Variants in LRRC69 observed in about 807,000 individuals in gnomAD.
LRRC69 encodes leucine-rich repeat-containing protein 69.
LRRC69 carries 42 observed loss-of-function variants against 37.8 expected under a neutral mutation model. The ratio of observed to expected loss-of-function variants is 1.11; its 90% CI spans 0.87 to 1.44. The LOEUF is 1.44. Ranked by LOEUF, LRRC69 falls within the 40% of genes most tolerant of loss-of-function variation. The pLI is 0.00. For missense variants in LRRC69, 357 were observed against 401.9 expected, an observed-to-expected ratio of 0.89 and a Z score of 0.96; for synonymous variants, 141 against 143.1, an observed-to-expected ratio of 0.99 and a Z score of 0.11.
chr8:91,122,126 C>T (rs1426174847), intron 1 of LRRC69, among the ~76,000 whole-genome samples: 1 of 151,950 alleles, frequency 6.6e-6, no homozygotes, highest in East Asian at 1.9e-4. Context: ...ACAGTATATG[C>T]CCTCAGAAAT....
chr8:91,167,845 G>C (rs879316274), intron 5 of LRRC69, among the ~76,000 whole-genome samples: 15 of 151,932 alleles, frequency 9.9e-5, no homozygotes, highest in Non-Finnish European at 2.1e-4. Context: ...AATTTTAAGA[G>C]ACGATGTTCC....
chr8:91,105,008 A>C (rs929129890), intron 1 of LRRC69, among the ~76,000 whole-genome samples: 1 of 151,988 alleles, frequency 6.6e-6, no homozygotes, highest in Non-Finnish European at 1.5e-5. Context: ...GGGGTAACCT[A>C]CGTGTTGACT....
At chr8:91,196,738 A>T (rs1809609021) in intron 6 of LRRC69, among the ~76,000 whole-genome samples, 2 of 149,336 alleles carry the variant, frequency 1.3e-5, no homozygotes, top group African/African-American at 4.9e-5. Flanking sequence ...TTCTAGTTAT[A>T]CATTCTTCTA....
rs377280341 is a variant in LRRC69, at chr8:91,133,094, G to GT, written c.384-3dup. 0.21 allele frequency: 228,417 copies of GT among 1,088,160 alleles called. 2,046 individuals carry two copies. Among genetic ancestry groups the GT allele is most frequent in the Non-Finnish European group, 0.23 (187,943 of 808,498 alleles). The allele number at this position is 1,088,160 out of a possible 1,614,324, so 67.4% of individuals were successfully genotyped here. ...GTGAGTTTCATTCATATACTTTGGTGTTTTTTTTTTTTTAGATTAAAAAGT... is the reference window on the plus strand; with the variant it reads ...GTGAGTTTCATTCATATACTTTGGTGTTTTTTTTTTTTTTAGATTAAAAAGT... On this transcript the variant is annotated splice_polypyrimidine_tract_variant and intron_variant, in intron 3 of 7. Coordinates refer to ENST00000448384, the Ensembl canonical transcript of LRRC69.
rs527621030 is a variant in LRRC69, at chr8:91,177,956, C to T, written c.652-11566C>T. Among the ~76,000 whole-genome samples the T allele has an allele frequency of 4.0e-5, 6 of 150,436 alleles. No individual in the cohort carries two copies. The South Asian group carries it at 1.3e-3, about 31-fold the overall frequency. On this transcript the variant is annotated intron_variant, in intron 5 of 7. Coordinates refer to ENST00000448384, the Ensembl canonical transcript of LRRC69. ...CTCCGCCTCCCGGGTTCATGCCATT[C>T]CCCTGCCTCAGCCTCCCTAGTAGCT...
Position 91,201,070 on chromosome 8 carries a change from G to A in LRRC69, c.933+278G>A, listed in dbSNP as rs1809704434. On this transcript the variant is annotated intron_variant, in intron 7 of 7. Coordinates refer to ENST00000448384, the Ensembl canonical transcript of LRRC69. ...TAATCAGTAAATCCCTTTTGTTCATGAATATTAATAATAAAACCAGAACTA... is the reference window on the plus strand; with the variant it reads ...TAATCAGTAAATCCCTTTTGTTCATAAATATTAATAATAAAACCAGAACTA... Among the ~76,000 whole-genome samples, 4 of 152,242 alleles carry A rather than the reference G, an allele frequency of 2.6e-5. 1 individual carries two copies. The South Asian group carries it at 8.3e-4, about 32-fold the overall frequency.
intron 5 of LRRC69, among the ~76,000 whole-genome samples, chr8:91,169,120 G>T (rs1250526879): frequency 6.6e-6 from 1 of 151,906 alleles, no homozygotes; most frequent in Non-Finnish European, 1.5e-5. Context: ...TTTTAGAGCT[G>T]GAGGCCATAA....
At chr8:91,156,602 TG>T (rs1469173567) in intron 5 of LRRC69, among the ~76,000 whole-genome samples, 1 of 151,064 alleles carries the variant, frequency 6.6e-6, no homozygotes, top group Non-Finnish European at 1.5e-5. Flanking sequence ...TTTTTGCTTT[TG>T]TTGTCCGTGG....
intron 1 of LRRC69, among the ~76,000 whole-genome samples, chr8:91,107,731 T>C (rs975351057): frequency 6.6e-6 from 1 of 152,064 alleles, no homozygotes; most frequent in African/African-American, 2.4e-5. Flanking sequence ...CTAATTTAAC[T>C]AGTGAAGCTC....
At chr8:91,119,581 C>T (rs1360003644) in intron 1 of LRRC69, among the ~76,000 whole-genome samples, 3 of 152,026 alleles carry the variant, frequency 2.0e-5, no homozygotes, top group South Asian at 2.1e-4. Flanking sequence ...TTTCCTAGGT[C>T]ATCTATCCAT....
intron 5 of LRRC69, among the ~76,000 whole-genome samples, chr8:91,150,118 T>A (rs1409826790): frequency 2.0e-5 from 3 of 152,004 alleles, no homozygotes; most frequent in Non-Finnish European, 4.4e-5. Context: ...CTTCCAACAC[T>A]ATGTTGAATA....
chr8:91,107,658 A>G (rs1813341086), intron 1 of LRRC69, among the ~76,000 whole-genome samples: 1 of 151,988 alleles, frequency 6.6e-6, no homozygotes, highest in Non-Finnish European at 1.5e-5. Context: ...ACAATGATAA[A>G]ATGAGGGGGT....
intron 1 of LRRC69, chr8:91,118,561 C>T: frequency 4.1e-6 from 1 of 243,262 alleles, no homozygotes; most frequent in South Asian, 4.5e-5. Context: ...TTGTAAGTTG[C>T]TATAATTCCG....
chr8:91,165,681 A>G (rs1429278037), intron 5 of LRRC69, among the ~76,000 whole-genome samples: 1 of 151,724 alleles, frequency 6.6e-6, no homozygotes, highest in African/African-American at 2.4e-5. Context: ...CATGCAGTTA[A>G]TGGGTTTTCT....
chr8:91,112,867 T>C (rs560685465), intron 1 of LRRC69, among the ~76,000 whole-genome samples: 38 of 152,110 alleles, frequency 2.5e-4, no homozygotes, highest in African/African-American at 9.1e-4. Flanking sequence ...ATAAATGAAT[T>C]CAGTCAAGTT....
intron 5 of LRRC69, among the ~76,000 whole-genome samples, chr8:91,173,168 G>A (rs1356462779): frequency 1.3e-5 from 2 of 151,904 alleles, no homozygotes; most frequent in Non-Finnish European, 2.9e-5. Context: ...TGTGGCTATG[G>A]GGTAGAGTAG....
At chr8:91,215,760 G>A (rs1810034273) in intron 7 of LRRC69, among the ~76,000 whole-genome samples, 1 of 152,156 alleles carries the variant, frequency 6.6e-6, no homozygotes, top group Non-Finnish European at 1.5e-5. Flanking sequence ...AATGACAAAA[G>A]CAGTATTTGT....
chr8:91,122,301 T>G (rs1813639438), intron 1 of LRRC69, among the ~76,000 whole-genome samples: 1 of 152,002 alleles, frequency 6.6e-6, no homozygotes, highest in African/African-American at 2.4e-5. Flanking sequence ...GACCAATTTT[T>G]CCAGTATAAT....
At chr8:91,200,275 A>C (rs1040852928) in intron 6 of LRRC69, among the ~76,000 whole-genome samples, 1 of 152,200 alleles carries the variant, frequency 6.6e-6, no homozygotes, top group Admixed American at 6.5e-5. Context: ...ATGTTTGTAC[A>C]GTTTTTGCTT....
Sources: gnomAD v4.1 joint callset for allele counts (sites outside exome capture counted in the v4.1 genomes callset) on GRCh38, gnomAD v4.1.1 for gene constraint, MANE v1.5 for transcripts, NCBI Gene and HGNC (gene_info 2026-07-23, HGNC 2026-07-21) for gene names.